The following GLG1 variants were observed in gnomAD, a reference collection of about 807,000 sequenced individuals.
GLG1 encodes the protein Golgi apparatus protein 1.
Under a neutral mutation model 160.5 loss-of-function variants are expected in GLG1, and 38 were observed. The ratio of observed to expected loss-of-function variants is 0.24; its 90% confidence interval spans 0.18 to 0.31. GLG1 has a LOEUF of 0.31. Ranked by LOEUF, GLG1 falls within the 10% of genes least tolerant of loss-of-function variation. The pLI, the probability that GLG1 is intolerant of heterozygous loss-of-function variation, is 1.00. For synonymous variants in GLG1, 644 were observed against 543.4 expected, an observed-to-expected ratio of 1.19 and a Z score of -2.57; for missense variants, 1,373 against 1,505.2, an observed-to-expected ratio of 0.91 and a Z score of 1.45.
intron 1 of GLG1, among the ~76,000 whole-genome samples, chr16:74,576,280 C>T (rs1360910342): frequency 6.6e-6 from 1 of 151,952 alleles, no homozygotes; most frequent in Non-Finnish European, 1.5e-5. Context: ...TCCACACCAA[C>T]TATTAAAGAC....
intron 24 of GLG1, 74 bp downstream of exon 24, chr16:74,457,800 C>T (rs760588403): frequency 9.2e-6 from 13 of 1,409,206 alleles, no homozygotes; most frequent in Non-Finnish European, 1.2e-5. Flanking sequence ...GTAGCTGCAA[C>T]TGATGTCTAA....
chr16:74,600,710 C>T (rs1241203962), intron 1 of GLG1, among the ~76,000 whole-genome samples: 14 of 132,388 alleles, frequency 1.1e-4, no homozygotes, highest in South Asian at 2.4e-4. Context: ...CCAATCTGGG[C>T]GACTGAGAAA....
chr16:74,600,553 G>T (rs78493621), intron 1 of GLG1, among the ~76,000 whole-genome samples: 1 of 151,230 alleles, frequency 6.6e-6, no homozygotes, highest in Non-Finnish European at 1.5e-5. Context: ...CCAGTGTGGC[G>T]AAACCCCCGT....
chr16:74,458,736 T>C (rs1016941326), intron 23 of GLG1, among the ~76,000 whole-genome samples: 1 of 152,206 alleles, frequency 6.6e-6, no homozygotes, highest in Non-Finnish European at 1.5e-5. Context: ...CAAAATGTTC[T>C]ACTTTACCTC....
At chr16:74,506,069 T>C (rs1312981236) in intron 3 of GLG1, among the ~76,000 whole-genome samples, 1 of 145,072 alleles carries the variant, frequency 6.9e-6, no homozygotes, top group African/African-American at 2.5e-5. Flanking sequence ...AGGACTGTAT[T>C]TCCTGGAAAA....
chr16:74,463,355 C>A lies in GLG1; in HGVS notation c.2791+1G>T. 6.2e-7 allele frequency: 1 copy of A among 1,614,090 alleles called. No homozygotes were observed. ...CCAGGAGAGCCAAGCCAAGATCTTACCTGTGTTCTGGGTGATCTGGCGCTT... is the reference window on the plus strand; with the variant it reads ...CCAGGAGAGCCAAGCCAAGATCTTAACTGTGTTCTGGGTGATCTGGCGCTT... On this transcript the variant is annotated splice_donor_variant, in intron 20 of 25. Transcript: ENST00000422840. LOFTEE classifies it high-confidence loss of function.
chr16:74,473,307 G>A lies in GLG1; in HGVS notation c.2053-896C>T, dbSNP rs922963405. 5.3e-5 allele frequency among the ~76,000 whole-genome samples: 8 copies of A among 151,910 alleles called. No individual in the cohort carries two copies. The South Asian group carries it at 6.2e-4, about 12-fold the overall frequency. ...CGGCTCACTGCAACCTCCGCCTCCC[G>A]GGTTCAAGTGATCCTCCTGCCTCAG... On this transcript the variant is annotated intron_variant, in intron 13 of 25. Coordinates refer to ENST00000422840, the MANE Select transcript of GLG1 (RefSeq NM_001145667.2).
At chr16:74,573,807 T>C (rs1005180481) in intron 1 of GLG1, among the ~76,000 whole-genome samples, 1 of 151,708 alleles carries the variant, frequency 6.6e-6, no homozygotes, top group Non-Finnish European at 1.5e-5. Context: ...TCTTTTTTTT[T>C]TTTTTAAACG....
intron 1 of GLG1, among the ~76,000 whole-genome samples, chr16:74,593,927 G>T (rs1029575214): frequency 6.6e-5 from 10 of 151,064 alleles, no homozygotes; most frequent in African/African-American, 2.2e-4. Flanking sequence ...TCATTTTTTT[G>T]AGACAGAGTC....
intron 3 of GLG1, 28 bp from the exon 4 acceptor site, chr16:74,503,774 A>T: frequency 7.1e-7 from 1 of 1,413,032 alleles, no homozygotes; most frequent in Non-Finnish European, 1.0e-6. Flanking sequence ...GCTGTTTTAC[A>T]AAAGTGTTCC....
At chr16:74,524,951 G>C (rs567327801) in intron 2 of GLG1, among the ~76,000 whole-genome samples, 15 of 152,236 alleles carry the variant, frequency 9.9e-5, no homozygotes, top group Admixed American at 4.6e-4. Context: ...TCCAGTTATT[G>C]AGGTTCATCC....
chr16:74,499,808 C>A (rs2016341916), intron 4 of GLG1, among the ~76,000 whole-genome samples: 1 of 152,154 alleles, frequency 6.6e-6, no homozygotes, highest in Non-Finnish European at 1.5e-5. Flanking sequence ...TAGAGACCAT[C>A]CTGGCTAACA....
chr16:74,546,870 G>C (rs1256691494), intron 1 of GLG1, among the ~76,000 whole-genome samples: 3 of 112,386 alleles, frequency 2.7e-5, no homozygotes, highest in Non-Finnish European at 5.4e-5. Context: ...TCCCTGACTA[G>C]AAGTGGGTAA....
At chr16:74,528,320 G>C (rs1255587897) in intron 2 of GLG1, among the ~76,000 whole-genome samples, 1 of 151,792 alleles carries the variant, frequency 6.6e-6, no homozygotes, top group East Asian at 1.9e-4. Context: ...TTTTTAAAGG[G>C]GTATTTTTTG....
chr16:74,487,469 G>C (rs1194785309), intron 8 of GLG1, among the ~76,000 whole-genome samples: 1 of 152,100 alleles, frequency 6.6e-6, no homozygotes, highest in Non-Finnish European at 1.5e-5. Context: ...CCTGAAAGAA[G>C]CTGGTAATCC....
intron 1 of GLG1, among the ~76,000 whole-genome samples, chr16:74,604,261 T>C (rs4887778): frequency 0.11 from 16,507 of 152,208 alleles, 1,334 homozygotes; most frequent in East Asian, 0.38. Context: ...GTTTGACATA[T>C]GCCAAGTACT....
intron 4 of GLG1, among the ~76,000 whole-genome samples, chr16:74,498,316 C>T (rs1268207981): frequency 6.7e-6 from 1 of 148,258 alleles, no homozygotes; most frequent in Non-Finnish European, 1.5e-5. Context: ...CCTGTAATCC[C>T]AGCTATTCGG....
rs55773213 is a variant in GLG1, at chr16:74,477,977, A to AAAACAAAC, written c.1828-445_1828-444insGTTTGTTT. 9.6e-4 allele frequency among the ~76,000 whole-genome samples: 134 copies of AAAACAAAC among 140,194 alleles called. 1 individual carries two copies. Among genetic ancestry groups the AAAACAAAC allele is most frequent in the South Asian group, 3.1e-3 (11 of 3,588 alleles). The allele number at this position is 140,194 out of a possible 152,430, so 92.0% of individuals were successfully genotyped here. A position where few individuals can be genotyped will look rare whatever the true frequency, so the allele number is the denominator to read the frequency against. ...AACAAGAGCGAAACTCCGTCTCAAAAAAATAAATAAATAAATAAATAAATA... is the reference window on the plus strand; with the variant it reads ...AACAAGAGCGAAACTCCGTCTCAAAAAAACAAACAAATAAATAAATAAATAAATAAATA... On this transcript the variant is annotated intron_variant, in intron 11 of 25. Transcript: ENST00000422840.
At chr16:74,595,969 T>C (rs747868769) in intron 1 of GLG1, among the ~76,000 whole-genome samples, 7 of 150,036 alleles carry the variant, frequency 4.7e-5, no homozygotes, top group East Asian at 2.0e-4. Flanking sequence ...ATTAAAAATA[T>C]AAAATTTGCC....
Sources: allele counts gnomAD v4.1 joint callset (sites outside exome capture counted in the v4.1 genomes callset), GRCh38; gene constraint gnomAD v4.1.1; transcripts MANE v1.5; gene names NCBI Gene and HGNC (gene_info 2026-07-23, HGNC 2026-07-21).